Variants in DOCK3 observed in about 807,000 individuals in gnomAD.
DOCK3 encodes the protein dedicator of cytokinesis protein 3.
A neutral mutation model predicts 265.6 loss-of-function variants in DOCK3; 60 were observed. That is an observed-to-expected ratio of 0.23 (90% CI 0.18 to 0.28). DOCK3 has a LOEUF of 0.28. DOCK3 is among the 10% of genes least tolerant of loss of function. The pLI, the probability that DOCK3 is intolerant of heterozygous loss-of-function variation, is 1.00. For missense variants in DOCK3, 1,981 were observed against 2,594.3 expected, an observed-to-expected ratio of 0.76 and a Z score of 5.14; for synonymous variants, 881 against 938.0, an observed-to-expected ratio of 0.94 and a Z score of 1.11.
intron 4 of DOCK3, among the ~76,000 whole-genome samples, chr3:50,913,790 C>T (rs1453473126): frequency 1.3e-5 from 2 of 152,114 alleles, no homozygotes; most frequent in Admixed American, 6.5e-5. Context: ...GCACAGGAAC[C>T]CTCTCTGTAC....
intron 27 of DOCK3, among the ~76,000 whole-genome samples, chr3:51,293,092 C>T (rs1454345897): frequency 6.6e-6 from 1 of 151,970 alleles, no homozygotes; most frequent in African/African-American, 2.4e-5. Flanking sequence ...ATCAAAATTC[C>T]AATGTCATTC....
chr3:51,221,716 G>C (rs2090107402), intron 14 of DOCK3, among the ~76,000 whole-genome samples: 1 of 152,190 alleles, frequency 6.6e-6, no homozygotes, highest in Non-Finnish European at 1.5e-5. Context: ...AGCACTCAAT[G>C]TAAGGCATTA....
chr3:50,961,548 A>G (rs2076886316), intron 5 of DOCK3, among the ~76,000 whole-genome samples: 1 of 152,200 alleles, frequency 6.6e-6, no homozygotes, highest in Admixed American at 6.5e-5. Context: ...AAGAAATTCA[A>G]AGGCTCTGAG....
At chr3:50,784,621 A>G (rs764617667) in intron 2 of DOCK3, among the ~76,000 whole-genome samples, 24 of 152,256 alleles carry the variant, frequency 1.6e-4, no homozygotes, top group Non-Finnish European at 2.8e-4. Context: ...TTTTCACAAT[A>G]TTGATTCTAC....
chr3:50,744,294 G>A (rs966397293), intron 1 of DOCK3, among the ~76,000 whole-genome samples: 5 of 152,076 alleles, frequency 3.3e-5, no homozygotes, highest in African/African-American at 1.2e-4. Context: ...TAATTCATAT[G>A]TTTTCTTTTG....
intron 35 of DOCK3, among the ~76,000 whole-genome samples, chr3:51,334,572 T>A (rs879189163): frequency 6.6e-6 from 1 of 152,234 alleles, no homozygotes; most frequent in South Asian, 2.1e-4. Context: ...ACAGCTATGC[T>A]TGTGTGAACT....
At chr3:51,191,796 AAC>A (rs966862317) in intron 12 of DOCK3, among the ~76,000 whole-genome samples, 2 of 151,842 alleles carry the variant, frequency 1.3e-5, no homozygotes, top group Non-Finnish European at 2.9e-5. Context: ...GGGAGGAAAA[AAC>A]ACACAAAAAC....
At chr3:51,033,763 T>C (rs1481850806) in intron 5 of DOCK3, among the ~76,000 whole-genome samples, 1 of 152,176 alleles carries the variant, frequency 6.6e-6, no homozygotes, top group Non-Finnish European at 1.5e-5. Flanking sequence ...TCCTCACAAA[T>C]TGATGTGGTG....
chr3:51,245,523 CGG>C (rs2078795643), intron 21 of DOCK3, among the ~76,000 whole-genome samples: 1 of 151,358 alleles, frequency 6.6e-6, no homozygotes, highest in South Asian at 2.1e-4. Flanking sequence ...CCCAAGTAGC[CGG>C]GATTATAGGC....
At chr3:51,115,611 A>G (rs1031850901) in intron 9 of DOCK3, among the ~76,000 whole-genome samples, 1 of 151,964 alleles carries the variant, frequency 6.6e-6, no homozygotes, top group Non-Finnish European at 1.5e-5. Flanking sequence ...CACTCTGATG[A>G]TAGTTTCTTT....
intron 3 of DOCK3, among the ~76,000 whole-genome samples, chr3:50,868,295 A>G (rs2107557528): frequency 6.6e-6 from 1 of 152,060 alleles, no homozygotes; most frequent in East Asian, 1.9e-4. Flanking sequence ...GATGGTCTCA[A>G]TCTCCTAACC....
intron 49 of DOCK3, among the ~76,000 whole-genome samples, chr3:51,371,836 G>A (rs1299689056): frequency 2.0e-5 from 3 of 152,212 alleles, no homozygotes; most frequent in Non-Finnish European, 4.4e-5. Context: ...ATGCAGATGT[G>A]GGGTTTTCTT....
chr3:50,738,053 C>G lies in DOCK3; in HGVS notation c.38-40622C>G, dbSNP rs535744147. The stretch of plus-strand genomic sequence containing the variant: ...CAGGCTGGTTTTGGCAGGGCAAGCC[C>G]TTTACAGTCATTCTGCCTGGAGATT... On this transcript the variant is annotated intron_variant, in intron 1 of 52. Transcript: ENST00000266037. Among the ~76,000 whole-genome samples the G allele has an allele frequency of 1.6e-4, 25 of 152,300 alleles. No individual in the cohort carries two copies. The South Asian group carries it at 4.8e-3, about 29-fold the overall frequency.
chr3:50,743,079 A>G (rs1434919924), intron 1 of DOCK3, among the ~76,000 whole-genome samples: 1 of 151,980 alleles, frequency 6.6e-6, no homozygotes, highest in African/African-American at 2.4e-5. Flanking sequence ...AGAATTTCAT[A>G]TCCAGCCAAA....
intron 10 of DOCK3, among the ~76,000 whole-genome samples, chr3:51,155,164 C>T (rs1032681865): frequency 1.7e-4 from 26 of 151,336 alleles, no homozygotes; most frequent in African/African-American, 6.1e-4. Flanking sequence ...TAAGAGATGG[C>T]GTCTTGCTAT....
At chr3:50,882,437 C>G (rs2048094319) in intron 3 of DOCK3, among the ~76,000 whole-genome samples, 1 of 152,030 alleles carries the variant, frequency 6.6e-6, no homozygotes, top group Admixed American at 6.6e-5. Flanking sequence ...TCAAACAACC[C>G]CATCAAAAAG....
intron 5 of DOCK3, among the ~76,000 whole-genome samples, chr3:50,977,561 T>G (rs549962300): frequency 1.3e-5 from 2 of 152,144 alleles, no homozygotes; most frequent in Admixed American, 6.5e-5. Context: ...ACCTTTCTCT[T>G]TGGCTACCCT....
At chr3:51,120,437 C>T (rs756063054) in intron 9 of DOCK3, among the ~76,000 whole-genome samples, 36 of 152,282 alleles carry the variant, frequency 2.4e-4, no homozygotes, top group East Asian at 7.8e-4. Flanking sequence ...TCAGGAGGCA[C>T]GGGGGTCAAG....
At chr3:50,962,035 ATACATG>A (rs2076903261) in intron 5 of DOCK3, among the ~76,000 whole-genome samples, 1 of 151,650 alleles carries the variant, frequency 6.6e-6, no homozygotes, top group Admixed American at 6.6e-5. Context: ...AAATTCTGGG[ATACATG>A]TGCAGAACGT....
Sources: gnomAD v4.1 joint callset for allele counts (sites outside exome capture counted in the v4.1 genomes callset) on GRCh38, gnomAD v4.1.1 for gene constraint, MANE v1.5 for transcripts, NCBI Gene and HGNC (gene_info 2026-07-23, HGNC 2026-07-21) for gene names.